PDIA3: variants seen among roughly 807,000 people sequenced by gnomAD.
The protein encoded by PDIA3 is protein disulfide isomerase family A member 3.
PDIA3 carries 16 observed loss-of-function variants against 56.9 expected under a neutral mutation model. The observed-to-expected ratio is 0.28, with a 90% CI of 0.19 to 0.43. The LOEUF (loss-of-function observed/expected upper bound fraction) is 0.43, where lower values mean the gene tolerates loss of function less well. Ranked by LOEUF, PDIA3 falls within the 20% of genes least tolerant of loss-of-function variation. The pLI, the probability that PDIA3 is intolerant of heterozygous loss-of-function variation, is 1.00. For synonymous variants in PDIA3, 192 were observed against 216.5 expected, an observed-to-expected ratio of 0.89 and a Z score of 0.99; for missense variants, 485 against 621.3, an observed-to-expected ratio of 0.78 and a Z score of 2.33.
In PDIA3 at chr15:43,751,059, G is replaced by A. The variant is rs2086740436; in HGVS notation, c.168-2765G>A. Among the ~76,000 whole-genome samples, 5 of 151,852 alleles carry A rather than the reference G, an allele frequency of 3.3e-5. No individual in the cohort carries two copies. In the South Asian group the frequency reaches 1.0e-3, roughly 32 times the overall value. On this transcript the variant is annotated intron_variant, in intron 1 of 12. Coordinates refer to ENST00000300289, the MANE Select transcript of PDIA3 (RefSeq NM_005313.5). ...AGGCAGGAGAATTGCTTGAACCTGG[G>A]AGGTGCAGGTTGCAGTGAGCTGAGA...
At chr15:43,757,355 G>A (rs945360569) in intron 3 of PDIA3, among the ~76,000 whole-genome samples, 1 of 151,904 alleles carries the variant, frequency 6.6e-6, no homozygotes, top group Non-Finnish European at 1.5e-5. Flanking sequence ...TCAGGAGATC[G>A]AGACCATCCT....
intron 1 of PDIA3, among the ~76,000 whole-genome samples, chr15:43,748,490 C>A (rs935293190): frequency 3.3e-5 from 5 of 151,520 alleles, no homozygotes; most frequent in Admixed American, 1.3e-4. Context: ...AAAAAAAAAA[C>A]CAGAATTTTT....
intron 1 of PDIA3, among the ~76,000 whole-genome samples, chr15:43,747,888 T>C (rs1463108887): frequency 6.6e-6 from 1 of 152,212 alleles, no homozygotes; most frequent in Non-Finnish European, 1.5e-5. Context: ...TGGCAAATTT[T>C]GTTTGCAGCT....
intron 1 of PDIA3, among the ~76,000 whole-genome samples, chr15:43,750,917 G>A (rs1342984695): frequency 6.6e-6 from 1 of 152,040 alleles, no homozygotes; most frequent in African/African-American, 2.4e-5. Context: ...CAGATCACGA[G>A]GTTCAGGAGT....
intron 2 of PDIA3, 83 bp from the exon 3 acceptor site, chr15:43,756,566 C>G (rs1342004664): frequency 6.1e-6 from 5 of 813,560 alleles, no homozygotes; most frequent in African/African-American, 1.7e-5. Flanking sequence ...TAGGATTTGA[C>G]CAATCCTAGT....
chr15:43,771,980 C>T lies in PDIA3; in HGVS notation c.*762C>T, dbSNP rs1030860514. On this transcript the variant is annotated 3_prime_UTR_variant, in exon 13 of 13. Coordinates refer to ENST00000300289, the MANE Select transcript of PDIA3 (RefSeq NM_005313.5). Reference sequence around the variant, plus strand: ...AAGGACTGTTCTCTGCTCAGAAATGCCCTGTCAAGGGTGTGGCATCACGCA... The same window carrying T: ...AAGGACTGTTCTCTGCTCAGAAATGTCCTGTCAAGGGTGTGGCATCACGCA... The T allele has an allele frequency of 9.5e-5, 18 of 190,266 alleles. No individual in the cohort carries two copies. Among genetic ancestry groups the T allele is most frequent in the Admixed American group, 9.2e-4 (15 of 16,370 alleles). The allele number at this position is 190,266 out of a possible 1,614,324, so 11.8% of individuals were successfully genotyped here. A position where few individuals can be genotyped will look rare whatever the true frequency, so the allele number is the denominator to read the frequency against.
At chr15:43,748,307 C>T (rs1180613918) in intron 1 of PDIA3, among the ~76,000 whole-genome samples, 3 of 147,512 alleles carry the variant, frequency 2.0e-5, no homozygotes, top group Admixed American at 6.8e-5. Flanking sequence ...GAGAAACCCC[C>T]GTCTCTACTA....
In PDIA3 at chr15:43,772,664, T is replaced by C. The variant is rs1409422040; in HGVS notation, c.*1446T>C. On this transcript the variant is annotated 3_prime_UTR_variant, in exon 13 of 13. Coordinates refer to ENST00000300289, the MANE Select transcript of PDIA3 (RefSeq NM_005313.5). ...TTGGTAAAAGTTCATTTTCAGTACA[T>C]GGGTAACACCCAGGCCCTTTCCCAT... 1 of 152,902 alleles carries C rather than the reference T, an allele frequency of 6.5e-6. No individual in the cohort carries two copies. The highest frequency in any genetic ancestry group is 1.5e-5 in the Non-Finnish European group (1 of 68,544). 9.5% of individuals were successfully genotyped at this position (152,902 alleles called of 1,614,324 possible).
chr15:43,760,237 A>C (rs1008119938), intron 3 of PDIA3, among the ~76,000 whole-genome samples: 7 of 151,934 alleles, frequency 4.6e-5, no homozygotes, highest in Admixed American at 2.0e-4. Context: ...TAAAAATACA[A>C]AAAACTAGCC....
chr15:43,761,768 T>G (rs2086817939), intron 4 of PDIA3, among the ~76,000 whole-genome samples: 1 of 152,044 alleles, frequency 6.6e-6, no homozygotes, highest in Non-Finnish European at 1.5e-5. Context: ...TGGGTTTGTG[T>G]TCTCATAGAT....
At chr15:43,770,488 A>G (rs1391179229) in intron 11 of PDIA3, 35 bp from the exon 12 acceptor site, 1 of 1,543,924 alleles carries the variant, frequency 6.5e-7, no homozygotes, top group African/African-American at 1.4e-5. Context: ...GGGCCCACAT[A>G]ACTGCTTGAA....
In PDIA3 at chr15:43,763,186, C is replaced by T. The variant is rs145283989; in HGVS notation, c.582C>T (p.Asn194=). 77 of 1,613,936 alleles carry T rather than the reference C, an allele frequency of 4.8e-5. No individual in the cohort carries two copies. The Middle Eastern group carries it at 9.9e-4, about 21-fold the overall frequency. ...ATACGAATGTTGAGTCTCTGGTGAA[C>T]GAGTATGATGATAATGGAGAGTAAG... is the stretch of plus-strand genomic sequence containing the variant. ...FAHTNVESLV[N]EYDDNGEGII... The change falls in exon 5 of 13, where the codon AAC becomes AAT. Residue 194 remains asparagine, a synonymous_variant. Transcript: ENST00000300289.
At chr15:43,767,087 C>T (rs1210416294) in intron 8 of PDIA3, among the ~76,000 whole-genome samples, 177 bp downstream of exon 8, 3 of 152,228 alleles carry the variant, frequency 2.0e-5, no homozygotes, top group Non-Finnish European at 4.4e-5. Context: ...TGGTGGCTCA[C>T]GCCTGTAATC....
chr15:43,770,124 C>G (rs3742980), intron 10 of PDIA3, 126 bp from the exon 11 acceptor site: 1 of 731,692 alleles, frequency 1.4e-6, no homozygotes, highest in African/African-American at 1.7e-5. Context: ...TGCGCACCAC[C>G]ACACCCGGCT....
intron 3 of PDIA3, among the ~76,000 whole-genome samples, chr15:43,757,545 G>A (rs1245162680): frequency 2.0e-5 from 3 of 146,458 alleles, no homozygotes; most frequent in Admixed American, 1.4e-4. Flanking sequence ...GCGACAGAGC[G>A]AGACTCCGTC....
intron 1 of PDIA3, among the ~76,000 whole-genome samples, chr15:43,751,125 C>G (rs1354525173): frequency 8.9e-6 from 1 of 112,188 alleles, no homozygotes; most frequent in Non-Finnish European, 1.9e-5. Context: ...GAGCAAGACT[C>G]CGTCTCGAAA....
At chr15:43,757,286 C>T (rs898807296) in intron 3 of PDIA3, among the ~76,000 whole-genome samples, 56 of 152,154 alleles carry the variant, frequency 3.7e-4, no homozygotes, top group Admixed American at 3.1e-3. Context: ...GGGCCGGGTG[C>T]GGTGGCTCAC....
In PDIA3 at chr15:43,770,296, C is replaced by A. The variant is rs773636711; in HGVS notation, c.1313C>A (p.Ala438Asp). 1 of 1,614,060 alleles carries A rather than the reference C, an allele frequency of 6.2e-7. No individual in the cohort carries two copies. Among genetic ancestry groups the A allele is most frequent in the South Asian group, 1.1e-5 (1 of 91,084 alleles). Residue 438 changes from alanine (A) to aspartate (D), a missense_variant, in exon 11 of 13, where the codon GCC becomes GAC. Transcript: ENST00000300289. The part of the protein sequence containing the change: ...NIVIAKMDAT[A>D]NDVPSPYEVR... ...GTCATAGCCAAGATGGATGCCACAG[C>A]CAATGATGTGCCTTCTCCATATGAA...
chr15:43,765,641 G>C, intron 6 of PDIA3, 75 bp downstream of exon 6: 1 of 1,027,260 alleles, frequency 9.7e-7, no homozygotes, highest in Non-Finnish European at 1.5e-6. Context: ...ATTAAGCCGA[G>C]CTATATTTTG....
Sources: gnomAD v4.1 joint callset for allele counts (sites outside exome capture counted in the v4.1 genomes callset) on GRCh38, gnomAD v4.1.1 for gene constraint, MANE v1.5 for transcripts, NCBI Gene and HGNC (gene_info 2026-07-23, HGNC 2026-07-21) for gene names.